PEF1: variants seen among roughly 807,000 people sequenced by gnomAD.
PEF1 encodes the protein penta-EF-hand domain containing 1, also known as peflin.
PEF1 carries 17 observed loss-of-function variants against 32.0 expected under a neutral mutation model. That is an observed-to-expected ratio of 0.53 (90% confidence interval 0.36 to 0.80). The LOEUF (loss-of-function observed/expected upper bound fraction) is 0.80. PEF1 is among the 30% of genes least tolerant of loss of function. The pLI is 0.00. For synonymous variants in PEF1, 130 were observed against 139.8 expected, an observed-to-expected ratio of 0.93 and a Z score of 0.50; for missense variants, 362 against 369.1, an observed-to-expected ratio of 0.98 and a Z score of 0.16.
chr1:31,640,719 G>A (rs1318530287), intron 1 of PEF1, among the ~76,000 whole-genome samples: 2 of 152,100 alleles, frequency 1.3e-5, no homozygotes, highest in African/African-American at 4.8e-5. Context: ...GCAAGCAGTA[G>A]GGAGCTTACC....
chr1:31,634,697 T>A (rs1323375456), intron 2 of PEF1: 1 of 356,250 alleles, frequency 2.8e-6, no homozygotes, highest in East Asian at 7.4e-5. Flanking sequence ...AATCTCCCCT[T>A]CCCTATAAGA....
intron 1 of PEF1, among the ~76,000 whole-genome samples, chr1:31,643,308 T>A (rs926639915): frequency 6.8e-6 from 1 of 147,246 alleles, no homozygotes. Flanking sequence ...TTGTGGTCAA[T>A]AAACTTATTC....
intron 1 of PEF1, among the ~76,000 whole-genome samples, chr1:31,638,040 T>C (rs781324565): frequency 1.6e-4 from 25 of 152,190 alleles, no homozygotes; most frequent in Non-Finnish European, 3.5e-4. Flanking sequence ...ATGTAGACAC[T>C]GTGTAACGTC....
intron 1 of PEF1, among the ~76,000 whole-genome samples, chr1:31,637,081 T>C (rs1257934231): frequency 6.6e-6 from 1 of 152,204 alleles, no homozygotes; most frequent in Non-Finnish European, 1.5e-5. Context: ...CTCTTTTTAT[T>C]GTGTTTGATA....
At chr1:31,642,313 G>A (rs1189345177) in intron 1 of PEF1, among the ~76,000 whole-genome samples, 1 of 152,178 alleles carries the variant, frequency 6.6e-6, no homozygotes, top group East Asian at 1.9e-4. Flanking sequence ...CTTCTGCAAG[G>A]GAGTGACAAA....
chr1:31,633,305 G>T lies in PEF1; in HGVS notation c.335C>A (p.Pro112His). The T allele has an allele frequency of 6.2e-7, 1 of 1,611,998 alleles. No individual in the cohort carries two copies. The highest frequency in any genetic ancestry group is 1.3e-5 in the African/African-American group (1 of 74,996). Residue 112 changes from proline (P) to histidine (H), a missense_variant, in exon 3 of 5, where the codon CCT becomes CAT. By Grantham distance (77) the Pro-to-His change is moderately conservative. Transcript: ENST00000373703. ...GTAGGCCTCAGGATCCACATTGGGA[G>T]GGGCGCCACCTGGAGGAAGGGGTGT... ...QPGLYGQGGA[P>H]PNVDPEAYSW...
At position 31,633,336 on chromosome 1, in the gene PEF1, C is replaced by T. The variant is rs756447601; in HGVS notation, c.326-22G>A. On this transcript the variant is annotated intron_variant, in intron 2 of 4. Coordinates refer to ENST00000373703, the MANE Select transcript of PEF1 (RefSeq NM_012392.4). The stretch of plus-strand genomic sequence containing the variant: ...CCACCTGGAGGAAGGGGTGTGAAGG[C>T]CATCAACAGAAATGCCAGGAAGGGC... 6 of 1,591,498 alleles carry T rather than the reference C, an allele frequency of 3.8e-6. No homozygotes were observed. In the Admixed American group the frequency reaches 1.0e-4, roughly 28 times the overall value.
chr1:31,641,339 T>C (rs1377577131), intron 1 of PEF1, among the ~76,000 whole-genome samples: 1 of 152,148 alleles, frequency 6.6e-6, no homozygotes, highest in Non-Finnish European at 1.5e-5. Context: ...AAAACCGGTA[T>C]CCCTGCCTCC....
chr1:31,631,145 T>C (rs10914458), intron 4 of PEF1, among the ~76,000 whole-genome samples: 77,082 of 152,006 alleles, frequency 0.51, 21,250 homozygotes, highest in Non-Finnish European at 0.62. Flanking sequence ...TCATCTCTGA[T>C]TCGTTTGCAT....
At chr1:31,640,320 G>A (rs994605532) in intron 1 of PEF1, among the ~76,000 whole-genome samples, 1 of 152,178 alleles carries the variant, frequency 6.6e-6, no homozygotes, top group Non-Finnish European at 1.5e-5. Flanking sequence ...TAACATGCCT[G>A]AGATCATGCA....
chr1:31,642,226 C>A (rs943964912), intron 1 of PEF1, among the ~76,000 whole-genome samples: 1 of 152,200 alleles, frequency 6.6e-6, no homozygotes, highest in Non-Finnish European at 1.5e-5. Context: ...GAGCAAGACT[C>A]TGTCTTAAAA....
chr1:31,632,943 T>A (rs1213130504), intron 3 of PEF1, among the ~76,000 whole-genome samples: 1 of 152,164 alleles, frequency 6.6e-6, no homozygotes, highest in African/African-American at 2.4e-5. Context: ...GGAAACTAAG[T>A]TAACCTGTAA....
chr1:31,642,098 T>C (rs755101512), intron 1 of PEF1, among the ~76,000 whole-genome samples: 5 of 152,162 alleles, frequency 3.3e-5, no homozygotes, highest in Non-Finnish European at 7.4e-5. Flanking sequence ...CCAGGTGTGG[T>C]GGCGTGCGCC....
intron 4 of PEF1, chr1:31,632,187 C>T: frequency 1.7e-6 from 1 of 592,530 alleles, no homozygotes; most frequent in Non-Finnish European, 3.0e-6. Context: ...AAGCCACACA[C>T]ACTGGTCTCA....
chr1:31,640,020 A>G (rs543535204), intron 1 of PEF1, among the ~76,000 whole-genome samples: 1 of 152,320 alleles, frequency 6.6e-6, no homozygotes, highest in South Asian at 2.1e-4. Context: ...AGTTTTTCCA[A>G]GAGTTATTTC....
At chr1:31,632,758 AAGCCCTGAGGCCC>A (rs1440479121) in intron 3 of PEF1, 120 bp from the exon 4 acceptor site, 37 of 1,220,686 alleles carry the variant, frequency 3.0e-5, no homozygotes, top group Non-Finnish European at 4.0e-5. Flanking sequence ...TCACAGAACC[AAGCCCTGAGGCCC>A]AGATGCCTGC....
intron 4 of PEF1, among the ~76,000 whole-genome samples, chr1:31,632,158 G>A (rs2148616415): frequency 6.6e-6 from 1 of 152,312 alleles, no homozygotes; most frequent in Non-Finnish European, 1.5e-5. Flanking sequence ...GCTAGAAACT[G>A]GAGAGAAAGG....
chr1:31,634,525 C>T lies in PEF1; in HGVS notation c.325+697G>A, dbSNP rs969653104. On this transcript the variant is annotated intron_variant, in intron 2 of 4. Transcript: ENST00000373703. Reference sequence around the variant, plus strand: ...CTTCTGAGATATTTTCACAGAGAAACGGATATTTAAACTGAGTTTCTCCCC... The same window carrying T: ...CTTCTGAGATATTTTCACAGAGAAATGGATATTTAAACTGAGTTTCTCCCC... 1.9e-4 allele frequency among the ~76,000 whole-genome samples: 29 copies of T among 152,080 alleles called. 1 individual carries two copies. Among genetic ancestry groups the T allele is most frequent in the Non-Finnish European group, 1.0e-4 (7 of 68,008 alleles).
intron 4 of PEF1, among the ~76,000 whole-genome samples, chr1:31,631,776 T>A (rs1318693298): frequency 2.0e-5 from 3 of 152,140 alleles, no homozygotes; most frequent in Admixed American, 6.5e-5. Context: ...ATAGGTCATC[T>A]CCCCTCCCTT....
Sources: allele counts gnomAD v4.1 joint callset (sites outside exome capture counted in the v4.1 genomes callset), GRCh38; gene constraint gnomAD v4.1.1; transcripts MANE v1.5; gene names NCBI Gene and HGNC (gene_info 2026-07-23, HGNC 2026-07-21).